The following FOXP2 variants were observed in gnomAD, a reference collection of about 807,000 sequenced individuals.
FOXP2 encodes forkhead box P2, also known as forkhead box protein P2.
Under a neutral mutation model 115.8 loss-of-function variants are expected in FOXP2, and 12 were observed. The ratio of observed to expected loss-of-function variants is 0.10; its 90% CI spans 0.07 to 0.17. FOXP2 has a LOEUF of 0.17. Ranked by LOEUF, FOXP2 falls within the 10% of genes least tolerant of loss-of-function variation. The pLI is 1.00. For synonymous variants in FOXP2, 328 were observed against 297.7 expected, an observed-to-expected ratio of 1.10 and a Z score of -1.05; for missense variants, 629 against 843.5, an observed-to-expected ratio of 0.75 and a Z score of 3.15.
intron 2 of FOXP2, among the ~76,000 whole-genome samples, chr7:114,489,118 T>C (rs1354870824): frequency 6.6e-6 from 1 of 152,160 alleles, no homozygotes; most frequent in Non-Finnish European, 1.5e-5. Flanking sequence ...TTAAAAACCT[T>C]TCAAGATTTA....
At position 114,616,994 on chromosome 7, in the gene FOXP2, G is replaced by A. The variant is rs998315697; in HGVS notation, c.259-11546G>A. Among the ~76,000 whole-genome samples the A allele has an allele frequency of 3.9e-5, 6 of 152,318 alleles. No individual in the cohort carries two copies. The East Asian group carries it at 1.2e-3, about 29-fold the overall frequency. The stretch of plus-strand genomic sequence containing the variant: ...CTGCCTACTTGGGAGGCTGATGCAG[G>A]AGGATCTCCTGAGCCCAAAAGTGCA... On this transcript the variant is annotated intron_variant, in intron 3 of 16. Transcript: ENST00000350908.
At chr7:114,270,974 T>G (rs1260557729) in intron 1 of FOXP2, among the ~76,000 whole-genome samples, 1 of 152,098 alleles carries the variant, frequency 6.6e-6, no homozygotes, top group Non-Finnish European at 1.5e-5. Context: ...ATTCATTTTT[T>G]TTTTGTATGT....
intron 1 of FOXP2, among the ~76,000 whole-genome samples, chr7:114,261,221 G>C (rs1795742135): frequency 6.6e-6 from 1 of 152,144 alleles, no homozygotes; most frequent in South Asian, 2.1e-4. Flanking sequence ...TAAAATGGTA[G>C]TATTCTTGTA....
At chr7:114,507,865 T>C (rs1222795132) in intron 2 of FOXP2, among the ~76,000 whole-genome samples, 1 of 151,964 alleles carries the variant, frequency 6.6e-6, no homozygotes, top group African/African-American at 2.4e-5. Flanking sequence ...AATATAGTCA[T>C]GTTTGTTAGT....
chr7:114,338,964 TG>T (rs1299007215), intron 2 of FOXP2, among the ~76,000 whole-genome samples: 1 of 151,120 alleles, frequency 6.6e-6, no homozygotes, highest in Non-Finnish European at 1.5e-5. Context: ...AAATTTTTCA[TG>T]GGGAGGGTCC....
intron 16 of FOXP2, among the ~76,000 whole-genome samples, chr7:114,672,780 T>C (rs1353928192): frequency 3.3e-5 from 5 of 152,114 alleles, no homozygotes; most frequent in Non-Finnish European, 7.4e-5. Flanking sequence ...ATGAGCAATA[T>C]GTAGTCCAGG....
At chr7:114,164,981 T>TAC (rs1198572446) in intron 1 of FOXP2, among the ~76,000 whole-genome samples, 4 of 3,726 alleles carry the variant, frequency 1.1e-3, no homozygotes, top group Admixed American at 3.1e-3. Context: ...ACAGTATGTT[T>TAC]ATATATATAT....
At chr7:114,252,237 A>G (rs1171376773) in intron 1 of FOXP2, among the ~76,000 whole-genome samples, 3 of 152,066 alleles carry the variant, frequency 2.0e-5, no homozygotes, top group Admixed American at 6.6e-5. Flanking sequence ...TATCAGGGAT[A>G]TTGGTCTAAA....
chr7:114,669,942 T>G (rs965970239), intron 16 of FOXP2: 2 of 152,090 alleles, frequency 1.3e-5, no homozygotes, highest in African/African-American at 4.8e-5. Context: ...TTTTTATATT[T>G]TCAAATGTTG....
In FOXP2 at chr7:114,270,694, T is replaced by C. The variant is rs1796013028; in HGVS notation, c.-101-17325T>C. Among the ~76,000 whole-genome samples the C allele has an allele frequency of 2.6e-5, 4 of 152,302 alleles. No homozygotes were observed. The South Asian group carries it at 8.3e-4, about 32-fold the overall frequency. ...ATTGTTGAGTTTTAAGAATTCTTTGTGTATTTTTGCTTAACAGTCCTTTAT... is the reference window on the plus strand; with the variant it reads ...ATTGTTGAGTTTTAAGAATTCTTTGCGTATTTTTGCTTAACAGTCCTTTAT... On this transcript the variant is annotated intron_variant, in intron 1 of 17. Transcript: ENST00000634411.
rs1039811463 is a variant in FOXP2, at chr7:114,642,598, T to G, written c.964T>G (p.Ser322Ala). The G allele has an allele frequency of 1.2e-6, 2 of 1,613,602 alleles. No homozygotes were observed. The highest frequency in any genetic ancestry group is 2.7e-5 in the African/African-American group (2 of 74,786). The change falls in exon 7 of 17, where the codon TCA (serine) becomes GCA (alanine). Residue 322 changes from serine (S) to alanine (A), a missense_variant. Ser to Ala is a moderately conservative substitution (Grantham distance 99). Coordinates refer to ENST00000350908, the MANE Select transcript of FOXP2 (RefSeq NM_014491.4). ...TCATTCCATAGTGAATGGACAGTCT[T>G]CAGTTCTAAGTGCAAGACGAGACAG... ...THHSIVNGQS[S>A]VLSARRDSSS...
At chr7:114,666,576 A>G (rs1467195368) in intron 16 of FOXP2, 1 of 152,202 alleles carries the variant, frequency 6.6e-6, no homozygotes, top group Non-Finnish European at 1.5e-5. Flanking sequence ...GAAATTAAAC[A>G]GAAGTGAAAT....
Position 114,502,137 on chromosome 7 carries a change from A to G in FOXP2, c.169-32480A>G, listed in dbSNP as rs140096475. On this transcript the variant is annotated intron_variant, in intron 2 of 16. Transcript: ENST00000350908. ...TTAAGACAAAACCAAAAGCACTTAAAATAAACCTCTGCATGTAAATATTGT... is the reference window on the plus strand; with the variant it reads ...TTAAGACAAAACCAAAAGCACTTAAGATAAACCTCTGCATGTAAATATTGT... Among the ~76,000 whole-genome samples, 22 of 152,222 alleles carry G rather than the reference A, an allele frequency of 1.4e-4. No individual in the cohort carries two copies. The East Asian group carries it at 3.9e-3, about 27-fold the overall frequency.
chr7:114,687,053 C>T (rs1249723033), intron 16 of FOXP2, among the ~76,000 whole-genome samples: 26 of 152,062 alleles, frequency 1.7e-4, no homozygotes, highest in Admixed American at 1.4e-3. Flanking sequence ...TGCTGAATAA[C>T]GTGAAATGTC....
intron 3 of FOXP2, among the ~76,000 whole-genome samples, chr7:114,596,145 T>A (rs947477223): frequency 5.3e-5 from 8 of 152,070 alleles, no homozygotes; most frequent in African/African-American, 1.9e-4. Context: ...TTTTCCTCAC[T>A]AAAATATCAC....
chr7:114,180,674 C>T (rs918233507), intron 1 of FOXP2, among the ~76,000 whole-genome samples: 1 of 151,942 alleles, frequency 6.6e-6, no homozygotes, highest in African/African-American at 2.4e-5. Context: ...ACTCAGTTGC[C>T]TGTGTCAGAA....
intron 2 of FOXP2, among the ~76,000 whole-genome samples, chr7:114,364,564 A>C (rs925591145): frequency 6.6e-6 from 1 of 152,156 alleles, no homozygotes; most frequent in East Asian, 1.9e-4. Flanking sequence ...AGAAAATCCC[A>C]CTTTTATTTA....
At chr7:114,248,180 C>CAG (rs71314647) in intron 1 of FOXP2, among the ~76,000 whole-genome samples, 3,598 of 145,764 alleles carry the variant, frequency 0.025, 78 homozygotes, top group South Asian at 0.065. Flanking sequence ...AGCTTAAAAA[C>CAG]AGAGAGAGAG....
intron 1 of FOXP2, among the ~76,000 whole-genome samples, chr7:114,422,423 A>C (rs1377508055): frequency 6.6e-6 from 1 of 151,808 alleles, no homozygotes; most frequent in African/African-American, 2.4e-5. Flanking sequence ...ATTATAAGAC[A>C]GACTGTTTAT....
Sources: gnomAD v4.1 joint callset for allele counts (sites outside exome capture counted in the v4.1 genomes callset) on GRCh38, gnomAD v4.1.1 for gene constraint, MANE v1.5 for transcripts, NCBI Gene and HGNC (gene_info 2026-07-23, HGNC 2026-07-21) for gene names.